The following TMC2 variants were observed in gnomAD, a reference collection of about 807,000 sequenced individuals.
TMC2 encodes transmembrane channel-like protein 2.
A neutral mutation model predicts 105.9 loss-of-function variants in TMC2; 102 were observed. That is an observed-to-expected ratio of 0.96 (90% CI 0.82 to 1.14). The LOEUF is 1.14. TMC2 is among the 50% of genes most tolerant of loss of function. TMC2 has a pLI of 0.00. For missense variants in TMC2, 1,093 were observed against 1,134.3 expected (o/e 0.96, Z 0.52); for synonymous variants, 402 against 422.8 (o/e 0.95, Z 0.60).
chr20:2,596,358 G>A (rs553271412), intron 9 of TMC2, among the ~76,000 whole-genome samples: 3 of 152,150 alleles, frequency 2.0e-5, no homozygotes, highest in African/African-American at 2.4e-5. Context: ...CGGGCCGGGC[G>A]TGGTGGCTCA....
chr20:2,584,443 CAAAAAAA>C (rs1161913633), intron 7 of TMC2, among the ~76,000 whole-genome samples: 4 of 70,154 alleles, frequency 5.7e-5, no homozygotes, highest in Non-Finnish European at 1.2e-4. Context: ...GACTCCGTCT[CAAAAAAA>C]AAAAAAAAAA....
At chr20:2,576,907 T>G (rs1303428872) in intron 5 of TMC2, among the ~76,000 whole-genome samples, 2 of 109,280 alleles carry the variant, frequency 1.8e-5, no homozygotes, top group Non-Finnish European at 1.8e-5. Flanking sequence ...TTGGTTTTTT[T>G]TTTTTGTTTT....
chr20:2,595,913 G>A (rs190711670), intron 9 of TMC2, among the ~76,000 whole-genome samples: 296 of 152,292 alleles, frequency 1.9e-3, no homozygotes, highest in Non-Finnish European at 3.3e-3. Flanking sequence ...CCCAGCACTC[G>A]ACAGTGACCA....
intron 4 of TMC2, 46 bp from the exon 5 acceptor site, chr20:2,572,133 G>C: frequency 7.1e-7 from 1 of 1,407,690 alleles, no homozygotes. Flanking sequence ...ATTTCCTCTG[G>C]TTAGGTGCTA....
chr20:2,548,381 C>G (rs6083614), intron 2 of TMC2, among the ~76,000 whole-genome samples: 43,916 of 152,136 alleles, frequency 0.29, 7,095 homozygotes, highest in Admixed American at 0.4. Flanking sequence ...GCTCATGCCT[C>G]TAATCCCAGC....
At chr20:2,638,214 G>A (rs1168665486) in intron 19 of TMC2, among the ~76,000 whole-genome samples, 6 of 152,100 alleles carry the variant, frequency 3.9e-5, no homozygotes, top group Admixed American at 1.3e-4. Flanking sequence ...GGTGGCGGGC[G>A]CCTGTAGTCC....
At chr20:2,621,917 T>A (rs2086527913) in intron 16 of TMC2, among the ~76,000 whole-genome samples, 1 of 152,240 alleles carries the variant, frequency 6.6e-6, no homozygotes, top group Non-Finnish European at 1.5e-5. Flanking sequence ...GGCACTAGAA[T>A]CTGATACACC....
chr20:2,588,691 T>TGTGTGTGTGTGTG (rs2086247311), intron 7 of TMC2, among the ~76,000 whole-genome samples: 2 of 143,582 alleles, frequency 1.4e-5, no homozygotes, highest in African/African-American at 2.7e-5. Context: ...GCATGTGTCT[T>TGTGTGTGTGTGTG]TGTGTGTGTG....
Position 2,642,424 on chromosome 20 carries a change from CCTGCCTTACCCA to C in TMC2, c.*1074_*1085del, listed in dbSNP as rs1183202749. Among the ~76,000 whole-genome samples, 1 of 152,082 alleles carries C rather than the reference CCTGCCTTACCCA, an allele frequency of 6.6e-6. No homozygotes were observed. Among genetic ancestry groups the C allele is most frequent in the Non-Finnish European group, 1.5e-5 (1 of 68,022 alleles). On this transcript the variant is annotated 3_prime_UTR_variant, in exon 20 of 20. Transcript: ENST00000358864. ...CAGTGCCTCTTATCTTGGAAGGAAA[CCTGCCTTACCCA>C]GGGCAGAAAAATCTTTTTCATGCAC...
chr20:2,597,061 C>T lies in TMC2; in HGVS notation c.1077-90C>T, dbSNP rs2086313229. On this transcript the variant is annotated intron_variant, in intron 9 of 19. Transcript: ENST00000358864. Reference sequence around the variant, plus strand: ...ATGTCAGCTACCTGTTTATCTGTTACCTGTGTCCGAGACTGGCTAGGCCAA... The same window carrying T: ...ATGTCAGCTACCTGTTTATCTGTTATCTGTGTCCGAGACTGGCTAGGCCAA... The T allele has an allele frequency of 3.5e-6, 5 of 1,422,954 alleles. No homozygotes were observed. In the South Asian group the frequency reaches 6.5e-5, roughly 18 times the overall value. The allele number at this position is 1,422,954 out of a possible 1,614,324, so 88.1% of individuals were successfully genotyped here.
chr20:2,536,786 T>C (rs6036861), intron 1 of TMC2, 131 bp downstream of exon 1: 510,736 of 952,422 alleles, frequency 0.54, 138,146 homozygotes, highest in Admixed American at 0.59. Context: ...CTGTCCCCTG[T>C]GCGCTGAGCG....
At chr20:2,636,441 C>G (rs2146271171) in intron 18 of TMC2, among the ~76,000 whole-genome samples, 1 of 147,112 alleles carries the variant, frequency 6.8e-6, no homozygotes, top group African/African-American at 2.5e-5. Context: ...AGCTGACACC[C>G]TACTTCTGAC....
intron 4 of TMC2, 118 bp from the exon 5 acceptor site, chr20:2,572,061 T>C (rs1474348644): frequency 5.2e-6 from 4 of 766,236 alleles, no homozygotes; most frequent in Non-Finnish European, 8.7e-6. Flanking sequence ...GAATTTATAT[T>C]TTAACCAGGG....
intron 2 of TMC2, among the ~76,000 whole-genome samples, chr20:2,537,915 C>T (rs963995380): frequency 2.6e-5 from 4 of 152,122 alleles, no homozygotes; most frequent in South Asian, 2.1e-4. Flanking sequence ...ATTATGGATG[C>T]GATGCTGTTT....
At chr20:2,624,934 C>T (rs1479955703) in intron 17 of TMC2, among the ~76,000 whole-genome samples, 2 of 152,180 alleles carry the variant, frequency 1.3e-5, no homozygotes, top group African/African-American at 4.8e-5. Context: ...TGGCTGGGCC[C>T]ACAGCACTAC....
At chr20:2,612,915 A>G (rs1159786923) in intron 13 of TMC2, among the ~76,000 whole-genome samples, 2 of 152,218 alleles carry the variant, frequency 1.3e-5, no homozygotes, top group Non-Finnish European at 2.9e-5. Flanking sequence ...CATAATTACT[A>G]AGTTTCACAA....
intron 5 of TMC2, among the ~76,000 whole-genome samples, chr20:2,578,036 C>T (rs2086160060): frequency 1.3e-5 from 2 of 152,014 alleles, no homozygotes; most frequent in Non-Finnish European, 1.5e-5. Flanking sequence ...ATAATAGGAA[C>T]CGGGCCAGGC....
In TMC2 at chr20:2,642,212, T is replaced by A. The variant is rs1369226199; in HGVS notation, c.*861T>A. Among the ~76,000 whole-genome samples, 1 of 152,054 alleles carries A rather than the reference T, an allele frequency of 6.6e-6. No individual in the cohort carries two copies. Among genetic ancestry groups the A allele is most frequent in the East Asian group, 1.9e-4 (1 of 5,196 alleles). On this transcript the variant is annotated 3_prime_UTR_variant, in exon 20 of 20. Transcript: ENST00000358864. The stretch of plus-strand genomic sequence containing the variant: ...AGAGCAAGACCCTTGTCTCTACAAA[T>A]AGATAAATGAATCAAAGTAAATGAA...
At chr20:2,620,768 C>A (rs1568527818) in intron 16 of TMC2, among the ~76,000 whole-genome samples, 2 of 152,112 alleles carry the variant, frequency 1.3e-5, no homozygotes, top group Non-Finnish European at 2.9e-5. Flanking sequence ...GAACTGTGAA[C>A]CCACAAGGGC....
Sources: gnomAD v4.1 joint callset for allele counts (sites outside exome capture counted in the v4.1 genomes callset) on GRCh38, gnomAD v4.1.1 for gene constraint, MANE v1.5 for transcripts, NCBI Gene and HGNC (gene_info 2026-07-23, HGNC 2026-07-21) for gene names.